The following SNCAIP variants were observed in gnomAD, a reference collection of about 807,000 sequenced individuals.
SNCAIP encodes synphilin-1.
In SNCAIP, 43 loss-of-function variants were observed where a neutral mutation model predicts 86.7. That is an observed-to-expected ratio of 0.50 (90% CI 0.39 to 0.64). The LOEUF (loss-of-function observed/expected upper bound fraction) is 0.64, where lower values mean the gene tolerates loss of function less well. Ranked by LOEUF, SNCAIP falls within the 30% of genes least tolerant of loss-of-function variation. SNCAIP has a pLI of 0.00. For synonymous variants in SNCAIP, 417 were observed against 427.2 expected (o/e 0.98, Z 0.29); for missense variants, 981 against 1,103.1 (o/e 0.89, Z 1.57).
At chr5:122,325,268 G>A (rs550506245) in intron 1 of SNCAIP, among the ~76,000 whole-genome samples, 11 of 152,102 alleles carry the variant, frequency 7.2e-5, no homozygotes, top group African/African-American at 2.4e-4. Context: ...TCTGGCTTCC[G>A]GTTGGGTTTG....
rs116642308 is a variant in SNCAIP at position 122,449,627 on chromosome 5, T to C, written c.1593-218T>C. ...TACTGCTAAGCATTTAGGTTACTTA[T>C]AATTTTTCATTAATATTGACAATAC... On this transcript the variant is annotated intron_variant, in intron 8 of 10. Transcript: ENST00000261368. 7.4e-3 allele frequency among the ~76,000 whole-genome samples: 1,123 copies of C among 152,336 alleles called. 16 individuals carry two copies. Among genetic ancestry groups the C allele is most frequent in the African/African-American group, 0.025 (1,050 of 41,568 alleles).
At chr5:122,435,881 G>GC (rs1196588396) in intron 6 of SNCAIP, among the ~76,000 whole-genome samples, 1 of 152,152 alleles carries the variant, frequency 6.6e-6, no homozygotes. Flanking sequence ...GATCACAGAT[G>GC]AAAGCAAAAT....
intron 3 of SNCAIP, among the ~76,000 whole-genome samples, chr5:122,415,609 T>C (rs1448482265): frequency 6.6e-6 from 1 of 152,224 alleles, no homozygotes; most frequent in Non-Finnish European, 1.5e-5. Flanking sequence ...TTTCAGCCTG[T>C]GCTGTCAGCC....
At chr5:122,429,590 T>C (rs1777989677) in intron 5 of SNCAIP, among the ~76,000 whole-genome samples, 1 of 151,844 alleles carries the variant, frequency 6.6e-6, no homozygotes, top group African/African-American at 2.4e-5. Flanking sequence ...ATGGTTGCTA[T>C]TCCTTTCTTC....
chr5:122,377,056 G>C (rs1213423168), intron 1 of SNCAIP, among the ~76,000 whole-genome samples: 2 of 152,134 alleles, frequency 1.3e-5, no homozygotes, highest in African/African-American at 4.8e-5. Context: ...TACTTACAAA[G>C]TCTTTACTGA....
intron 1 of SNCAIP, among the ~76,000 whole-genome samples, chr5:122,327,828 A>G (rs751560724): frequency 6.6e-6 from 1 of 152,214 alleles, no homozygotes; most frequent in Non-Finnish European, 1.5e-5. Context: ...GGTGGAGAAG[A>G]AACATTTGTA....
At chr5:122,382,113 C>G (rs1318796196) in intron 1 of SNCAIP, among the ~76,000 whole-genome samples, 2 of 152,148 alleles carry the variant, frequency 1.3e-5, no homozygotes, top group African/African-American at 2.4e-5. Flanking sequence ...GGGAAGTTCT[C>G]CTGGATAATA....
intron 1 of SNCAIP, among the ~76,000 whole-genome samples, chr5:122,323,576 A>G (rs1753427455): frequency 1.3e-5 from 2 of 152,230 alleles, no homozygotes; most frequent in African/African-American, 4.8e-5. Flanking sequence ...GTCAACGTTC[A>G]GAGGATATTT....
At chr5:122,369,619 A>C (rs967946863) in intron 1 of SNCAIP, 3 of 152,358 alleles carry the variant, frequency 2.0e-5, no homozygotes, top group Middle Eastern at 3.4e-3. Flanking sequence ...CTCAGTTCTC[A>C]AAGGACCTCG....
chr5:122,462,465 C>T (rs559419392), intron 10 of SNCAIP, among the ~76,000 whole-genome samples: 93 of 152,302 alleles, frequency 6.1e-4, no homozygotes, highest in South Asian at 1.7e-3. Flanking sequence ...TGGAATCTCT[C>T]GCACATCTTT....
At chr5:122,352,740 G>A (rs1244369209) in intron 1 of SNCAIP, among the ~76,000 whole-genome samples, 1 of 152,170 alleles carries the variant, frequency 6.6e-6, no homozygotes, top group East Asian at 1.9e-4. Flanking sequence ...GCCAGGTGGG[G>A]TGGCTCACAC....
intron 1 of SNCAIP, among the ~76,000 whole-genome samples, chr5:122,337,392 T>C (rs907348401): frequency 5.5e-4 from 83 of 152,292 alleles, no homozygotes; most frequent in African/African-American, 1.9e-3. Context: ...AAGGCCTTCT[T>C]GATTAGAATG....
Position 122,451,782 on chromosome 5 carries a change from C to G in SNCAIP, c.2754+181C>G, listed in dbSNP as rs1283417841. The G allele has an allele frequency of 8.6e-6, 5 of 581,654 alleles. No individual in the cohort carries two copies. The Admixed American group carries it at 9.5e-5, about 11-fold the overall frequency. 36.0% of individuals were successfully genotyped at this position (581,654 alleles called of 1,614,324 possible). On this transcript the variant is annotated intron_variant, in intron 10 of 10. Coordinates refer to ENST00000261368, the MANE Select transcript of SNCAIP (RefSeq NM_005460.4). Reference sequence around the variant, plus strand: ...AGACATGTCATGTTAGATACATACCCCTTGCTCTTCTTTTGGAAAATACTC... The same window carrying G: ...AGACATGTCATGTTAGATACATACCGCTTGCTCTTCTTTTGGAAAATACTC...
intron 1 of SNCAIP, among the ~76,000 whole-genome samples, chr5:122,335,268 G>A (rs183822948): frequency 6.6e-5 from 10 of 152,308 alleles, no homozygotes; most frequent in Admixed American, 1.3e-4. Context: ...CTTTTTGTGT[G>A]TGTGACATAT....
chr5:122,378,035 A>T (rs1431984642), intron 1 of SNCAIP, among the ~76,000 whole-genome samples: 6 of 149,334 alleles, frequency 4.0e-5, no homozygotes, highest in African/African-American at 4.9e-5. Context: ...CATGATTTAT[A>T]GTCCTTTGGG....
intron 1 of SNCAIP, among the ~76,000 whole-genome samples, chr5:122,357,654 C>T (rs1261304724): frequency 2.0e-5 from 3 of 150,674 alleles, no homozygotes; most frequent in African/African-American, 4.9e-5. Context: ...CTTTCTCGTC[C>T]TGAAAGGATT....
chr5:122,342,648 A>G (rs1327649921), intron 1 of SNCAIP, among the ~76,000 whole-genome samples: 3 of 152,156 alleles, frequency 2.0e-5, no homozygotes, highest in African/African-American at 7.2e-5. Flanking sequence ...AGGGTAAGGA[A>G]CTTGCCTATG....
chr5:122,313,204 T>C (rs995795015), intron 1 of SNCAIP, among the ~76,000 whole-genome samples: 3 of 152,256 alleles, frequency 2.0e-5, no homozygotes, highest in Non-Finnish European at 4.4e-5. Context: ...GGAAAGTTAA[T>C]TAAGGAAGCA....
chr5:122,359,347 A>ATTTT (rs1227422667), intron 1 of SNCAIP, among the ~76,000 whole-genome samples: 25 of 41,510 alleles, frequency 6.0e-4, no homozygotes, highest in East Asian at 3.1e-3. Context: ...TGAGATTTTT[A>ATTTT]TTTTTATTTA....
Sources: gnomAD v4.1 joint callset for allele counts (sites outside exome capture counted in the v4.1 genomes callset) on GRCh38, gnomAD v4.1.1 for gene constraint, MANE v1.5 for transcripts, NCBI Gene and HGNC (gene_info 2026-07-23, HGNC 2026-07-21) for gene names.